The following DPP6 variants were observed in gnomAD, a reference collection of about 807,000 sequenced individuals.
The protein encoded by DPP6 is A-type potassium channel modulatory protein DPP6.
DPP6 carries 69 observed loss-of-function variants against 122.6 expected under a neutral mutation model. That is an observed-to-expected ratio of 0.56 (90% CI 0.46 to 0.69). DPP6 has a LOEUF of 0.69. DPP6 is among the 30% of genes least tolerant of loss of function. The probability of loss-of-function intolerance (pLI) is 0.00; values close to 1 mark genes in which losing one functional copy is unlikely to be tolerated. For missense variants in DPP6, 928 were observed against 1,116.9 expected (o/e 0.83, Z 2.41); for synonymous variants, 418 against 433.1 (o/e 0.97, Z 0.43).
At chr7:153,963,762 C>T (rs1795481750) in intron 1 of DPP6, among the ~76,000 whole-genome samples, 1 of 152,206 alleles carries the variant, frequency 6.6e-6, no homozygotes, top group Non-Finnish European at 1.5e-5. Flanking sequence ...GGAACAGTTT[C>T]ATCCCGAAGC....
chr7:154,442,666 T>C (rs1819489321), intron 1 of DPP6, among the ~76,000 whole-genome samples: 1 of 152,018 alleles, frequency 6.6e-6, no homozygotes, highest in South Asian at 2.1e-4. Context: ...GCAAAGGGTG[T>C]TTTTTTCTTG....
rs914705904 is a variant in DPP6, at chr7:154,547,298, G to A, written c.552+6672G>A. On this transcript the variant is annotated intron_variant, in intron 4 of 25. Transcript: ENST00000377770. ...GGGAAACAGCCGTGTTTTTGTGTAC[G>A]GTTGAGAGGGCATAAACTGGCAGCT... Among the ~76,000 whole-genome samples the A allele has an allele frequency of 8.5e-5, 13 of 152,226 alleles. 1 individual carries two copies. The highest frequency in any genetic ancestry group is 3.8e-4 in the East Asian group (2 of 5,204).
At chr7:154,648,314 T>A (rs1226713956) in intron 6 of DPP6, among the ~76,000 whole-genome samples, 1 of 151,624 alleles carries the variant, frequency 6.6e-6, no homozygotes, top group Non-Finnish European at 1.5e-5. Context: ...CCAGGCCTGA[T>A]GCGAAGCACT....
intron 1 of DPP6, among the ~76,000 whole-genome samples, chr7:154,362,220 G>C (rs1426552849): frequency 6.6e-6 from 1 of 152,216 alleles, no homozygotes; most frequent in African/African-American, 2.4e-5. Context: ...GAGAGATGCA[G>C]GCTGCACAGA....
intron 3 of DPP6, among the ~76,000 whole-genome samples, chr7:154,476,129 C>A (rs1764927391): frequency 2.0e-5 from 3 of 152,208 alleles, no homozygotes; most frequent in African/African-American, 7.2e-5. Flanking sequence ...TGCTTAGGGG[C>A]AATCACTTTT....
chr7:154,182,539 GGATAAT>G (rs1798144647), intron 1 of DPP6, among the ~76,000 whole-genome samples: 1 of 152,208 alleles, frequency 6.6e-6, no homozygotes, highest in African/African-American at 2.4e-5. Flanking sequence ...CAACCAGGAA[GGATAAT>G]GTAACATGTG....
intron 3 of DPP6, among the ~76,000 whole-genome samples, chr7:154,519,594 T>A (rs945856271): frequency 3.9e-5 from 6 of 152,216 alleles, no homozygotes; most frequent in Admixed American, 2.0e-4. Flanking sequence ...AAACCTCTAA[T>A]CATTGGTTTC....
At chr7:154,797,376 A>G (rs1798108185) in intron 12 of DPP6, among the ~76,000 whole-genome samples, 2 of 152,074 alleles carry the variant, frequency 1.3e-5, no homozygotes, top group Non-Finnish European at 2.9e-5. Context: ...TGTTATATGT[A>G]TATATACATA....
At chr7:154,314,924 C>A (rs1244465615) in intron 1 of DPP6, among the ~76,000 whole-genome samples, 1 of 152,162 alleles carries the variant, frequency 6.6e-6, no homozygotes, top group East Asian at 1.9e-4. Flanking sequence ...GGTTTGTGTC[C>A]TCCAGGTAAA....
chr7:154,627,763 G>C (rs1423301346), intron 5 of DPP6, among the ~76,000 whole-genome samples: 1 of 152,186 alleles, frequency 6.6e-6, no homozygotes, highest in Non-Finnish European at 1.5e-5. Context: ...CAGACAAGAA[G>C]TCAGAAGTTT....
intron 16 of DPP6, among the ~76,000 whole-genome samples, chr7:154,814,709 G>T (rs1292373249): frequency 6.6e-6 from 1 of 152,226 alleles, no homozygotes; most frequent in African/African-American, 2.4e-5. Context: ...CTGTTAGCCA[G>T]TGTGGTTTCT....
chr7:154,346,376 G>A lies in DPP6; in HGVS notation c.244-99838G>A, dbSNP rs145849011. Among the ~76,000 whole-genome samples, 34 of 151,870 alleles carry A rather than the reference G, an allele frequency of 2.2e-4. 3 individuals carry two copies. The East Asian group carries it at 6.2e-3, about 28-fold the overall frequency. ...GGAGTGCAATGAATGGCGCAATCTC[G>A]GCTCACTGCAACCTCCACCTCCCAG... On this transcript the variant is annotated intron_variant, in intron 1 of 25. Transcript: ENST00000377770.
At chr7:154,701,616 T>G (rs1266449744) in intron 7 of DPP6, among the ~76,000 whole-genome samples, 1 of 152,216 alleles carries the variant, frequency 6.6e-6, no homozygotes, top group Non-Finnish European at 1.5e-5. Context: ...GCCATATCAT[T>G]GCTTCACTCA....
At chr7:154,166,105 A>C (rs1797233509) in intron 1 of DPP6, among the ~76,000 whole-genome samples, 2 of 152,164 alleles carry the variant, frequency 1.3e-5, no homozygotes, top group Non-Finnish European at 2.9e-5. Flanking sequence ...CCTCACTGGG[A>C]TGTGGACCCT....
At chr7:154,414,403 T>A (rs969327862) in intron 1 of DPP6, among the ~76,000 whole-genome samples, 1 of 152,252 alleles carries the variant, frequency 6.6e-6, no homozygotes, top group Admixed American at 6.5e-5. Context: ...TTTACCTAAA[T>A]TAATCACCTT....
intron 1 of DPP6, among the ~76,000 whole-genome samples, chr7:154,411,314 T>G (rs547783356): frequency 6.6e-6 from 1 of 152,300 alleles, no homozygotes; most frequent in South Asian, 2.1e-4. Context: ...AGTGTCGTGA[T>G]CATGGCACTT....
chr7:154,140,123 C>T (rs1010985881), intron 1 of DPP6, among the ~76,000 whole-genome samples: 27 of 152,294 alleles, frequency 1.8e-4, no homozygotes, highest in South Asian at 4.1e-4. Flanking sequence ...GCCCCTACAT[C>T]GCTCTTTCAT....
intron 1 of DPP6, among the ~76,000 whole-genome samples, chr7:154,221,898 G>T: frequency 6.6e-6 from 1 of 152,098 alleles, no homozygotes; most frequent in East Asian, 1.9e-4. Context: ...TTATAAAAAA[G>T]GCATATTAAT....
chr7:154,590,240 C>T (rs1338988558), intron 5 of DPP6, among the ~76,000 whole-genome samples: 3 of 152,074 alleles, frequency 2.0e-5, no homozygotes, highest in African/African-American at 4.8e-5. Context: ...CATCTCTAGC[C>T]GTTTCAATCC....
Sources: gnomAD v4.1 joint callset for allele counts (sites outside exome capture counted in the v4.1 genomes callset) on GRCh38, gnomAD v4.1.1 for gene constraint, MANE v1.5 for transcripts, NCBI Gene and HGNC (gene_info 2026-07-23, HGNC 2026-07-21) for gene names.